SAMSN1: variants seen among roughly 807,000 people sequenced by gnomAD.
The protein encoded by SAMSN1 is SAM domain, SH3 domain and nuclear localization signals 1, also known as SAM domain-containing protein SAMSN-1.
Under a neutral mutation model 42.0 loss-of-function variants are expected in SAMSN1, and 31 were observed. The observed-to-expected ratio is 0.74, with a 90% confidence interval of 0.55 to 1.00. SAMSN1 has a LOEUF of 1.00. Among genes scored for constraint, SAMSN1 ranks in the 50% least tolerant of loss-of-function variants. SAMSN1 has a pLI of 0.00. For missense variants in SAMSN1, 464 were observed against 439.4 expected (o/e 1.06, Z -0.50); for synonymous variants, 178 against 151.9 (o/e 1.17, Z -1.26).
At chr21:14,646,957 C>T (rs554069480) in intron 1 of SAMSN1, among the ~76,000 whole-genome samples, 2 of 152,192 alleles carry the variant, frequency 1.3e-5, no homozygotes, top group South Asian at 4.2e-4. Flanking sequence ...ACCATGTCTC[C>T]AGACAAAGTC....
At chr21:14,566,080 T>C (rs1432539459) in intron 2 of SAMSN1, among the ~76,000 whole-genome samples, 1 of 152,204 alleles carries the variant, frequency 6.6e-6, no homozygotes, top group East Asian at 1.9e-4. Context: ...TTTTCCCAGA[T>C]ACACAAAGGG....
At chr21:14,530,039 G>A (rs1025556536) in intron 1 of SAMSN1, among the ~76,000 whole-genome samples, 4 of 152,080 alleles carry the variant, frequency 2.6e-5, no homozygotes, top group Admixed American at 6.5e-5. Flanking sequence ...AAATCTGGCC[G>A]GGCGCAGTGG....
chr21:14,525,831 T>G (rs2822734), intron 1 of SAMSN1, among the ~76,000 whole-genome samples: 46,041 of 152,058 alleles, frequency 0.3, 7,729 homozygotes, highest in Non-Finnish European at 0.37. Context: ...TAGCTAAAAT[T>G]ATTTATAAAA....
chr21:14,486,310 T>C (rs899236462), intron 7 of SAMSN1, among the ~76,000 whole-genome samples, 196 bp from the exon 8 acceptor site: 2 of 152,166 alleles, frequency 1.3e-5, no homozygotes, highest in African/African-American at 2.4e-5. Flanking sequence ...GCTACTGTTT[T>C]ATTAGAAGCC....
intron 1 of SAMSN1, among the ~76,000 whole-genome samples, chr21:14,655,770 T>C (rs1983905409): frequency 1.3e-5 from 2 of 151,712 alleles, no homozygotes; most frequent in African/African-American, 2.4e-5. Context: ...CTTGTCAATA[T>C]TATGGAAGCT....
At chr21:14,638,752 G>A (rs900597402) in intron 2 of SAMSN1, among the ~76,000 whole-genome samples, 8 of 152,068 alleles carry the variant, frequency 5.3e-5, no homozygotes, top group Non-Finnish European at 1.0e-4. Flanking sequence ...AAATTTATAC[G>A]GAACATTATT....
At chr21:14,606,654 G>A (rs1028734748) in intron 5 of SAMSN1, among the ~76,000 whole-genome samples, 10 of 151,978 alleles carry the variant, frequency 6.6e-5, no homozygotes, top group Non-Finnish European at 1.2e-4. Context: ...TCACACCTAA[G>A]CTATGCCAAT....
chr21:14,653,877 G>T lies in SAMSN1; in HGVS notation c.24+4871C>A, dbSNP rs1057036103. 1.9e-4 allele frequency among the ~76,000 whole-genome samples: 29 copies of T among 151,680 alleles called. 1 individual carries two copies. Among genetic ancestry groups the T allele is most frequent in the Admixed American group, 1.8e-3 (27 of 15,180 alleles). ...CACACACACACACACACAGCAGGAAGCTATGAGGATAAAATAAATTCAAGG... is the reference window on the plus strand; with the variant it reads ...CACACACACACACACACAGCAGGAATCTATGAGGATAAAATAAATTCAAGG... On this transcript the variant is annotated intron_variant, in intron 1 of 15. Transcript: ENST00000647101.
intron 1 of SAMSN1, among the ~76,000 whole-genome samples, chr21:14,535,772 G>A (rs1224873102): frequency 6.6e-6 from 1 of 152,140 alleles, no homozygotes; most frequent in South Asian, 2.1e-4. Context: ...CAAAAAGAAA[G>A]GCCCAGAACA....
rs59632143 is a variant in SAMSN1, at chr21:14,630,385, CT to C, written c.156+12616del. Among the ~76,000 whole-genome samples, 960 of 141,818 alleles carry C rather than the reference CT, an allele frequency of 6.8e-3. 5 individuals carry two copies. The highest frequency in any genetic ancestry group is 0.018 in the East Asian group (87 of 4,912). 93.0% of individuals were successfully genotyped at this position (141,818 alleles called of 152,430 possible). A position where few individuals can be genotyped will look rare whatever the true frequency, so the allele number is the denominator to read the frequency against. On this transcript the variant is annotated intron_variant, in intron 2 of 15. Coordinates refer to the SAMSN1 transcript ENST00000647101. The stretch of plus-strand genomic sequence containing the variant: ...AGGAATGGGCTTTTTTGCTTTACAG[CT>C]TTTTTTTTTTTTAGAGATGATTAAA...
chr21:14,643,251 G>A, intron 1 of SAMSN1: 1 of 591,790 alleles, frequency 1.7e-6, no homozygotes, highest in Non-Finnish European at 3.0e-6. Flanking sequence ...CTGGGCATAG[G>A]GATTAAGAGT....
intron 6 of SAMSN1, among the ~76,000 whole-genome samples, chr21:14,595,642 A>G (rs978788738): frequency 1.3e-5 from 2 of 152,164 alleles, no homozygotes; most frequent in Admixed American, 1.3e-4. Flanking sequence ...TCACTATTTT[A>G]CACATAAGGA....
intron 2 of SAMSN1, among the ~76,000 whole-genome samples, chr21:14,554,466 T>A (rs2066634953): frequency 1.3e-5 from 2 of 152,140 alleles, no homozygotes. Context: ...TTATTAATTA[T>A]CATTTTTACA....
chr21:14,505,729 T>C (rs1300001977), intron 5 of SAMSN1, among the ~76,000 whole-genome samples: 2 of 152,146 alleles, frequency 1.3e-5, no homozygotes, highest in African/African-American at 2.4e-5. Context: ...GGATTTAAAT[T>C]ATACCCTGGA....
chr21:14,597,613 T>C (rs1430882410), intron 6 of SAMSN1, among the ~76,000 whole-genome samples: 5 of 152,146 alleles, frequency 3.3e-5, no homozygotes, highest in Non-Finnish European at 7.4e-5. Context: ...AAATAAGGTA[T>C]CAGAAATGTA....
chr21:14,565,938 C>T (rs956182441), intron 2 of SAMSN1, among the ~76,000 whole-genome samples: 14 of 152,156 alleles, frequency 9.2e-5, no homozygotes, highest in South Asian at 6.2e-4. Context: ...GCCAATGGGA[C>T]GTATGTCTTG....
At chr21:14,658,876 A>T, upstream of SAMSN1, 1 of 684,312 alleles carries the variant, frequency 1.5e-6, no homozygotes. Flanking sequence ...ATGGGAGATT[A>T]TTACAAAGTA....
At chr21:14,561,861 GA>G (rs1310746766) in intron 2 of SAMSN1, among the ~76,000 whole-genome samples, 4 of 152,152 alleles carry the variant, frequency 2.6e-5, no homozygotes, top group African/African-American at 9.7e-5. Context: ...GCAGGAAGTG[GA>G]ATTATGCCAC....
intron 4 of SAMSN1, chr21:14,612,742 T>C (rs1446664406): frequency 3.0e-6 from 2 of 657,950 alleles, no homozygotes; most frequent in Non-Finnish European, 5.7e-6. Context: ...AAAAATGTTC[T>C]TCTATATAAT....
Sources: gnomAD v4.1 joint callset for allele counts (sites outside exome capture counted in the v4.1 genomes callset) on GRCh38, gnomAD v4.1.1 for gene constraint, MANE v1.5 for transcripts, NCBI Gene and HGNC (gene_info 2026-07-23, HGNC 2026-07-21) for gene names.